Variants in GALNT17 observed in about 807,000 individuals in gnomAD.
The protein encoded by GALNT17 is UDP-GalNAc:polypeptide N-acetylgalactosaminyltransferase-like 3.
Under a neutral mutation model 63.7 loss-of-function variants are expected in GALNT17, and 29 were observed. The observed-to-expected ratio is 0.46, with a 90% CI of 0.34 to 0.62. GALNT17 has a LOEUF of 0.62. Among genes scored for constraint, GALNT17 ranks in the 20% least tolerant of loss-of-function variants. The pLI is 0.01. For synonymous variants in GALNT17, 305 were observed against 318.3 expected (o/e 0.96, Z 0.45); for missense variants, 603 against 799.6 (o/e 0.75, Z 2.97).
chr7:71,530,706 T>G (rs1788705572), intron 5 of GALNT17, among the ~76,000 whole-genome samples: 2 of 152,126 alleles, frequency 1.3e-5, no homozygotes, highest in African/African-American at 4.8e-5. Flanking sequence ...TAGCTGGGAC[T>G]ACAGGCGCCC....
chr7:71,159,646 C>A (rs990654547), intron 1 of GALNT17, among the ~76,000 whole-genome samples: 2 of 148,018 alleles, frequency 1.4e-5, no homozygotes, highest in Non-Finnish European at 3.0e-5. Flanking sequence ...GGAGCAGAAA[C>A]GGGCAGACCT....
At chr7:71,524,585 T>G (rs993343644) in intron 5 of GALNT17, among the ~76,000 whole-genome samples, 26 of 152,152 alleles carry the variant, frequency 1.7e-4, no homozygotes, top group African/African-American at 6.0e-4. Flanking sequence ...ATTTGGAAAT[T>G]GTCTTTGAAG....
intron 1 of GALNT17, among the ~76,000 whole-genome samples, chr7:71,258,001 C>T (rs1186318181): frequency 6.6e-6 from 1 of 152,176 alleles, no homozygotes; most frequent in Non-Finnish European, 1.5e-5. Context: ...AATCATCGCT[C>T]CCCTCGGCCG....
At chr7:71,598,695 A>C (rs556753217) in intron 6 of GALNT17, among the ~76,000 whole-genome samples, 2 of 152,336 alleles carry the variant, frequency 1.3e-5, no homozygotes, top group Non-Finnish European at 2.9e-5. Context: ...TTCAATCGGC[A>C]TGCAAACATT....
At chr7:71,362,777 G>A (rs779135315) in intron 2 of GALNT17, among the ~76,000 whole-genome samples, 1 of 152,076 alleles carries the variant, frequency 6.6e-6, no homozygotes, top group South Asian at 2.1e-4. Flanking sequence ...AGCCTTCCCC[G>A]TGAGTCGTGA....
In GALNT17 at chr7:71,346,752, G is replaced by T. The variant is rs1302736129; in HGVS notation, c.422+11019G>T. On this transcript the variant is annotated intron_variant, in intron 2 of 10. Transcript: ENST00000333538. Reference sequence around the variant, plus strand: ...TCTAGGGAATCTTGCCTGTTGGGGGGGCGGGGGTGGGTGGGTGGGTGGGTG... The same window carrying T: ...TCTAGGGAATCTTGCCTGTTGGGGGTGCGGGGGTGGGTGGGTGGGTGGGTG... 6.7e-5 allele frequency among the ~76,000 whole-genome samples: 10 copies of T among 149,094 alleles called. No homozygotes were observed. The East Asian group carries it at 1.8e-3, about 27-fold the overall frequency.
chr7:71,350,883 G>A (rs1008061980), intron 2 of GALNT17, among the ~76,000 whole-genome samples: 2 of 152,344 alleles, frequency 1.3e-5, no homozygotes, highest in African/African-American at 4.8e-5. Flanking sequence ...AGTCATGCCT[G>A]TAATCCCAGC....
chr7:71,432,850 C>T (rs1460182932), intron 5 of GALNT17, among the ~76,000 whole-genome samples: 1 of 152,116 alleles, frequency 6.6e-6, no homozygotes, highest in Non-Finnish European at 1.5e-5. Flanking sequence ...CACTCCATCA[C>T]CCAGGCGGGA....
chr7:71,312,130 A>G, intron 1 of GALNT17, among the ~76,000 whole-genome samples: 1 of 152,226 alleles, frequency 6.6e-6, no homozygotes, highest in East Asian at 1.9e-4. Flanking sequence ...ATGGTATTAA[A>G]AAGTGGTTAT....
chr7:71,257,279 G>A (rs778789009), intron 1 of GALNT17, among the ~76,000 whole-genome samples: 2 of 152,092 alleles, frequency 1.3e-5, no homozygotes, highest in Non-Finnish European at 2.9e-5. Flanking sequence ...TAAAAGGAAT[G>A]ATAAAAAGTA....
rs1399028690 is a variant in GALNT17, at chr7:71,698,137, A to AG, written c.1501-12624_1501-12623insG. On this transcript the variant is annotated intron_variant, in intron 9 of 10. Coordinates refer to ENST00000333538, the MANE Select transcript of GALNT17 (RefSeq NM_022479.3). ...AGACTCTGTCTCAAAAAAAAAAAAA[A>AG]AAAAGAAAAGAAAAGAAAGAAAGTG... Among the ~76,000 whole-genome samples, 701 of 151,310 alleles carry AG rather than the reference A, an allele frequency of 4.6e-3. 19 individuals are homozygous for AG. The highest frequency in any genetic ancestry group is 0.029 in the Admixed American group (445 of 15,090).
chr7:71,415,039 T>A (rs1248912563), intron 3 of GALNT17, among the ~76,000 whole-genome samples: 1 of 152,168 alleles, frequency 6.6e-6, no homozygotes, highest in Non-Finnish European at 1.5e-5. Context: ...ACACCAGGTC[T>A]TTCTCTGTTG....
At chr7:71,676,175 C>T (rs1791147758) in intron 8 of GALNT17, among the ~76,000 whole-genome samples, 1 of 152,088 alleles carries the variant, frequency 6.6e-6, no homozygotes, top group African/African-American at 2.4e-5. Context: ...CCCAGAGATC[C>T]AAATTAGATC....
chr7:71,505,533 A>G (rs1788252817), intron 5 of GALNT17, among the ~76,000 whole-genome samples: 2 of 152,086 alleles, frequency 1.3e-5, no homozygotes, highest in Non-Finnish European at 2.9e-5. Flanking sequence ...CTGGGAGTTC[A>G]GGGCTGCAGT....
rs149109193 is a variant in GALNT17 at position 71,561,921 on chromosome 7, T to C, written c.963-9364T>C. Among the ~76,000 whole-genome samples the C allele has an allele frequency of 1.9e-4, 29 of 152,120 alleles. 1 individual carries two copies. In the East Asian group the frequency reaches 5.4e-3, roughly 28 times the overall value. ...ATTCTGGAGATAGACACTCCCCTGA[T>C]TTACAGGCTATGGATCAGCAGATTT... On this transcript the variant is annotated intron_variant, in intron 5 of 10. Transcript: ENST00000333538.
At chr7:71,439,497 G>T (rs1787026734) in intron 5 of GALNT17, among the ~76,000 whole-genome samples, 1 of 152,114 alleles carries the variant, frequency 6.6e-6, no homozygotes, top group Non-Finnish European at 1.5e-5. Flanking sequence ...CATTAGCAAC[G>T]TAAACTTTCT....
chr7:71,661,617 G>A (rs1790908475), intron 6 of GALNT17, among the ~76,000 whole-genome samples: 3 of 152,208 alleles, frequency 2.0e-5, no homozygotes, highest in African/African-American at 7.2e-5. Flanking sequence ...AATGACCACA[G>A]TGCATGCCCA....
chr7:71,527,234 A>G (rs1181624454), intron 5 of GALNT17, among the ~76,000 whole-genome samples: 1 of 152,262 alleles, frequency 6.6e-6, no homozygotes, highest in Non-Finnish European at 1.5e-5. Context: ...GTCTACAGAT[A>G]GTTCAGCATG....
At chr7:71,154,062 C>T (rs930811364) in intron 1 of GALNT17, among the ~76,000 whole-genome samples, 7 of 152,164 alleles carry the variant, frequency 4.6e-5, no homozygotes, top group African/African-American at 1.7e-4. Flanking sequence ...TGATCGAATT[C>T]AGTGGAAATA....
Sources: allele counts gnomAD v4.1 joint callset (sites outside exome capture counted in the v4.1 genomes callset), GRCh38; gene constraint gnomAD v4.1.1; transcripts MANE v1.5; gene names NCBI Gene and HGNC (gene_info 2026-07-23, HGNC 2026-07-21).